The following SLC6A4 variants were observed in gnomAD, a reference collection of about 807,000 sequenced individuals.
SLC6A4 encodes solute carrier family 6 member 4, also known as sodium-dependent serotonin transporter.
In SLC6A4, 22 loss-of-function variants were observed where a neutral mutation model predicts 73.4. The ratio of observed to expected loss-of-function variants is 0.30; its 90% CI spans 0.21 to 0.43. SLC6A4 has a LOEUF of 0.43. Among genes scored for constraint, SLC6A4 ranks in the 20% least tolerant of loss-of-function variants. The pLI, the probability that SLC6A4 is intolerant of heterozygous loss-of-function variation, is 1.00. For synonymous variants in SLC6A4, 270 were observed against 315.5 expected (o/e 0.86, Z 1.53); for missense variants, 593 against 808.5 (o/e 0.73, Z 3.23).
chr17:30,210,091 A>G (rs2043339981), intron 11 of SLC6A4, among the ~76,000 whole-genome samples: 1 of 152,132 alleles, frequency 6.6e-6, no homozygotes, highest in Non-Finnish European at 1.5e-5. Context: ...AAAAAAAAAA[A>G]AGGATCTCTA....
Position 30,209,203 on chromosome 17 carries a change from T to C in SLC6A4, c.1489A>G (p.Thr497Ala), listed in dbSNP as rs202166264. 1 of 1,613,806 alleles carries C rather than the reference T, an allele frequency of 6.2e-7. No homozygotes were observed. The highest frequency in any genetic ancestry group is 8.5e-7 in the Non-Finnish European group (1 of 1,179,840). Residue 497 changes from threonine to alanine, a missense_variant, in exon 12 of 15, where the codon ACG (threonine) becomes GCG (alanine). Thr to Ala is a moderately conservative substitution (Grantham distance 58, BLOSUM62 0). Transcript: ENST00000650711. ...YVVKLLEEYA[T>A]GPAVLTVALI... ...GCGACAGTGAGCACTGCGGGCCCCGTGGCATACTCCTCCAGCAGCTTCACC... is the reference window on the plus strand; with the variant it reads ...GCGACAGTGAGCACTGCGGGCCCCGCGGCATACTCCTCCAGCAGCTTCACC...
At chr17:30,205,640 C>G (rs1309004135) in intron 13 of SLC6A4, among the ~76,000 whole-genome samples, 1 of 152,138 alleles carries the variant, frequency 6.6e-6, no homozygotes, top group South Asian at 2.1e-4. Flanking sequence ...TCTCAGGAGC[C>G]CAGAGCTTGC....
At chr17:30,225,959 C>T (rs1393981541) in intron 1 of SLC6A4, among the ~76,000 whole-genome samples, 6 of 152,176 alleles carry the variant, frequency 3.9e-5, no homozygotes, top group African/African-American at 1.2e-4. Context: ...AGGAGCAACC[C>T]GTACCTGAAC....
chr17:30,218,811 C>A lies in SLC6A4; in HGVS notation c.464G>T (p.Cys155Phe). 6.2e-7 allele frequency: 1 copy of A among 1,614,070 alleles called. No individual in the cohort carries two copies. Among genetic ancestry groups the A allele is most frequent in the East Asian group, 2.2e-5 (1 of 44,880 alleles). Residue 155 changes from cysteine to phenylalanine, a missense_variant, in exon 4 of 15, where the codon TGC becomes TTC. Coordinates refer to ENST00000650711, the MANE Select transcript of SLC6A4 (RefSeq NM_001045.6). Reference sequence around the variant, plus strand: ...CCTTCAGTTACCTTTGAAAATCGGGCAGATTTTCCTCCATATTGAAATGCA... The same window carrying A: ...CCTTCAGTTACCTTTGAAAATCGGGAAGATTTTCCTCCATATTGAAATGCA... ...NGCISIWRKICPIFKGIGYAI... is the reference protein window; with the variant it reads ...NGCISIWRKIFPIFKGIGYAI...
rs1567816309 is a variant in SLC6A4 at position 30,206,727 on chromosome 17, T to TTTTG, written c.1650+1004_1650+1005insCAAA. Reference sequence around the variant, plus strand: ...CTTTTCTTTTCTTTTTTTTTTTTTTTTTTTTTTTTGAGACAGAGTCTTGCT... The same window carrying TTTTG: ...CTTTTCTTTTCTTTTTTTTTTTTTTTTTTGTTTTTTTTTGAGACAGAGTCTTGCT... On this transcript the variant is annotated intron_variant, in intron 13 of 14. Transcript: ENST00000650711. Among the ~76,000 whole-genome samples the TTTTG allele has an allele frequency of 2.0e-3, 285 of 141,526 alleles. 1 individual carries two copies. Among genetic ancestry groups the TTTTG allele is most frequent in the African/African-American group, 7.4e-3 (281 of 38,158 alleles). 92.8% of individuals were successfully genotyped at this position (141,526 alleles called of 152,430 possible).
chr17:30,199,775 C>T (rs184876052), intron 14 of SLC6A4, among the ~76,000 whole-genome samples: 5 of 152,198 alleles, frequency 3.3e-5, no homozygotes, highest in East Asian at 1.9e-4. Flanking sequence ...CAGAGCATGC[C>T]GAGTCACGGA....
At chr17:30,209,291 C>T (rs753081554) in intron 11 of SLC6A4, 49 bp from the exon 12 acceptor site, 25 of 1,164,548 alleles carry the variant, frequency 2.1e-5, no homozygotes, top group Non-Finnish European at 1.0e-5. Flanking sequence ...GGAGCCACCC[C>T]TCCCAACTAC....
At chr17:30,201,688 G>A (rs1906040962) in intron 14 of SLC6A4, among the ~76,000 whole-genome samples, 1 of 152,218 alleles carries the variant, frequency 6.6e-6, no homozygotes, top group Non-Finnish European at 1.5e-5. Flanking sequence ...TCTTTAGGGG[G>A]AGTGCGGTCA....
chr17:30,205,131 T>C (rs150326952), intron 13 of SLC6A4, among the ~76,000 whole-genome samples: 2 of 152,356 alleles, frequency 1.3e-5, no homozygotes, highest in East Asian at 3.9e-4. Context: ...CCTGTGTTTA[T>C]TGAAAATGTT....
intron 14 of SLC6A4, among the ~76,000 whole-genome samples, chr17:30,199,697 G>A (rs191876454): frequency 1.1e-4 from 16 of 152,150 alleles, no homozygotes; most frequent in African/African-American, 3.9e-4. Flanking sequence ...CTAGAAATCC[G>A]TTTAAAAAGG....
In SLC6A4 at chr17:30,217,225, T is replaced by G; in HGVS notation, c.778A>C (p.Met260Leu). 1 of 1,614,066 alleles carries G rather than the reference T, an allele frequency of 6.2e-7. No homozygotes were observed. The highest frequency in any genetic ancestry group is 8.5e-7 in the Non-Finnish European group (1 of 1,179,908). Residue 260 changes from methionine (M) to leucine (L), a missense_variant, in exon 6 of 15, where the codon ATG becomes CTG. Coordinates refer to ENST00000650711, the MANE Select transcript of SLC6A4 (RefSeq NM_001045.6). The part of the protein sequence containing the change: ...GISWQLALCI[M>L]LIFTVIYFSI... Reference sequence around the variant, plus strand: ...AAGTAGATAACAGTGAAGATCAGCATGATGCAGAGGGCCAGCTGCCAGCTG... The same window carrying G: ...AAGTAGATAACAGTGAAGATCAGCAGGATGCAGAGGGCCAGCTGCCAGCTG...
At chr17:30,218,411 C>A in intron 4 of SLC6A4, 74 bp from the exon 5 acceptor site, 1 of 1,168,256 alleles carries the variant, frequency 8.6e-7, no homozygotes, top group Non-Finnish European at 1.3e-6. Flanking sequence ...TGAAACGGGG[C>A]ACTGGAGAGC....
intron 5 of SLC6A4, 133 bp downstream of exon 5, chr17:30,217,985 A>C (rs1280437627): frequency 2.9e-6 from 2 of 679,712 alleles, no homozygotes; most frequent in Non-Finnish European, 5.2e-6. Context: ...AAATTCTGCT[A>C]CTCCCACCCC....
intron 8 of SLC6A4, among the ~76,000 whole-genome samples, chr17:30,214,110 T>C (rs1906472107): frequency 5.3e-5 from 8 of 152,140 alleles, no homozygotes; most frequent in African/African-American, 1.7e-4. Context: ...ATTTCTGAAA[T>C]AGGATTTTGT....
chr17:30,230,122 A>AGGAGGAGGAG (rs1567824238), intron 1 of SLC6A4, among the ~76,000 whole-genome samples: 2 of 123,574 alleles, frequency 1.6e-5, no homozygotes, highest in African/African-American at 3.1e-5. Context: ...AGGAAGAGGA[A>AGGAGGAGGAG]GAGGAGGAGG....
chr17:30,230,200 CAT>C (rs1907071553), intron 1 of SLC6A4, among the ~76,000 whole-genome samples: 1 of 151,826 alleles, frequency 6.6e-6, no homozygotes, highest in African/African-American at 2.4e-5. Flanking sequence ...GCTTGTGACA[CAT>C]AATTTCACAA....
At chr17:30,214,422 C>CAAAAAAAAA (rs748274109) in intron 8 of SLC6A4, among the ~76,000 whole-genome samples, 3 of 79,472 alleles carry the variant, frequency 3.8e-5, no homozygotes, top group East Asian at 3.7e-4. Context: ...AACTCCGTCT[C>CAAAAAAAAA]AAAAAAAAAA....
At position 30,235,579 on chromosome 17, in the gene SLC6A4, GT is replaced by G. The variant is rs1907247163; in HGVS notation, c.-221+33del. ...CGGGGAAGAAGGTCTGGAAAGAAAC[GT>G]GGGTTCGAGGCGGAGAGGAAAAGCG... On this transcript the variant is annotated intron_variant, in intron 1 of 14. Coordinates refer to ENST00000650711, the MANE Select transcript of SLC6A4 (RefSeq NM_001045.6). This position sits in a 1 kb window ranked among gnomAD's most constrained non-coding sequence, Gnocchi z 4.5. The G allele has an allele frequency of 1.3e-5, 2 of 152,308 alleles. No homozygotes were observed. The allele number at this position is 152,308 out of a possible 1,614,324, so 9.4% of individuals were successfully genotyped here.
Position 30,229,069 on chromosome 17 carries a change from G to A in SLC6A4, c.-220-6154C>T, listed in dbSNP as rs186064399. 4.4e-3 allele frequency among the ~76,000 whole-genome samples: 665 copies of A among 152,316 alleles called. 3 individuals carry two copies. The highest frequency in any genetic ancestry group is 6.3e-3 in the Non-Finnish European group (426 of 68,036). On this transcript the variant is annotated intron_variant, in intron 1 of 14. Transcript: ENST00000650711. ...TCAGGGTTCTATTCTAAGGGGCCCTGTCCCTCCCTGCCTCACCCATCGGGA... is the reference window on the plus strand; with the variant it reads ...TCAGGGTTCTATTCTAAGGGGCCCTATCCCTCCCTGCCTCACCCATCGGGA...
Sources: gnomAD v4.1 joint callset for allele counts (sites outside exome capture counted in the v4.1 genomes callset) on GRCh38, gnomAD v4.1.1 for gene constraint, Gnocchi (gnomAD v3.1) non-coding constraint, MANE v1.5 for transcripts, NCBI Gene and HGNC (gene_info 2026-07-23, HGNC 2026-07-21) for gene names.